The following ASB15 variants were observed in gnomAD, a reference collection of about 807,000 sequenced individuals.
ASB15 encodes ankyrin repeat and SOCS box protein 15.
ASB15 carries 54 observed loss-of-function variants against 58.0 expected under a neutral mutation model. The observed-to-expected ratio is 0.93, with a 90% confidence interval of 0.75 to 1.17. The LOEUF (loss-of-function observed/expected upper bound fraction) is 1.17, where lower values mean the gene tolerates loss of function less well. Ranked by LOEUF, ASB15 falls within the 50% of genes most tolerant of loss-of-function variation. ASB15 has a pLI of 0.00. For synonymous variants in ASB15, 249 were observed against 262.4 expected (o/e 0.95, Z 0.50); for missense variants, 680 against 707.4 (o/e 0.96, Z 0.44).
rs1344917905 is a variant in ASB15, at chr7:123,616,378, C to T, written c.175C>T (p.Leu59Phe). Residue 59 changes from leucine (L) to phenylalanine (F), a missense_variant, in exon 6 of 12, where the codon CTC (leucine) becomes TTC (phenylalanine). Physicochemically the swap from Leu to Phe is conservative, Grantham distance 22. Coordinates refer to ENST00000451215, the MANE Select transcript of ASB15 (RefSeq NM_001290258.2). ...GTTTAATTTAGGTCACATTCCTGAG[C>T]TCCAGGAGTATGTAAAATATAAATA... ...EAIKQGHIPELQEYVKYKYAM... is the reference protein window; with the variant it reads ...EAIKQGHIPEFQEYVKYKYAM... The T allele has an allele frequency of 1.9e-6, 3 of 1,609,652 alleles. No homozygotes were observed. The highest frequency in any genetic ancestry group is 4.5e-5 in the East Asian group (2 of 44,768).
intron 2 of ASB15, among the ~76,000 whole-genome samples, chr7:123,607,871 A>G (rs907276713): frequency 4.6e-5 from 7 of 152,190 alleles, no homozygotes; most frequent in Non-Finnish European, 1.0e-4. Context: ...GGGCACGTCT[A>G]CTAATAAGTT....
At chr7:123,583,196 G>C (rs1046018264) in intron 1 of ASB15, among the ~76,000 whole-genome samples, 2 of 151,896 alleles carry the variant, frequency 1.3e-5, no homozygotes. Context: ...TTCAAGATCA[G>C]CTGGGGCAAT....
intron 7 of ASB15, 37 bp from the exon 8 acceptor site, chr7:123,624,531 TA>T: frequency 6.3e-7 from 1 of 1,578,910 alleles, no homozygotes; most frequent in Non-Finnish European, 8.7e-7. Flanking sequence ...GTATTTGTGT[TA>T]ATATACTTAC....
chr7:123,621,319 G>A (rs746627187), intron 7 of ASB15: 2 of 152,318 alleles, frequency 1.3e-5, no homozygotes, highest in Middle Eastern at 3.4e-3. Context: ...TCTCCATGAA[G>A]TTAATATCCT....
upstream of ASB15, among the ~76,000 whole-genome samples, chr7:123,596,985 C>T (rs1381290382): frequency 1.3e-5 from 2 of 152,126 alleles, no homozygotes; most frequent in Admixed American, 6.6e-5. Context: ...TTTGCCTTAG[C>T]ACTACTGAGA....
In ASB15 at chr7:123,638,941, C is replaced by T. The variant is rs1438222728; in HGVS notation, c.*1960C>T. 1 of 152,174 alleles carries T rather than the reference C, an allele frequency of 6.6e-6. No individual in the cohort carries two copies. The highest frequency in any genetic ancestry group is 1.5e-5 in the Non-Finnish European group (1 of 68,044). 9.4% of individuals were successfully genotyped at this position (152,174 alleles called of 1,614,324 possible). On this transcript the variant is annotated 3_prime_UTR_variant, in exon 12 of 12. Transcript: ENST00000451215. ...TCCAGTGCTTTCTCAGGGCCAAACA[C>T]ATTCCCTAGAGCATGGAGTTCAATA...
At chr7:123,636,019 T>C (rs966012978) in intron 11 of ASB15, among the ~76,000 whole-genome samples, 1 of 152,144 alleles carries the variant, frequency 6.6e-6, no homozygotes, top group Admixed American at 6.6e-5. Context: ...ACATGATTTG[T>C]TTAATCTTCA....
chr7:123,595,088 C>A (rs1188907238), intron 1 of ASB15, among the ~76,000 whole-genome samples: 1 of 152,202 alleles, frequency 6.6e-6, no homozygotes, highest in Non-Finnish European at 1.5e-5. Context: ...AAGCAAGGCT[C>A]CGTGGACGTG....
At chr7:123,628,790 C>A in intron 9 of ASB15, 74 bp from the exon 10 acceptor site, 1 of 1,002,798 alleles carries the variant, frequency 1.0e-6, no homozygotes, top group East Asian at 2.6e-5. Context: ...ATTCACTTAT[C>A]TAGTGAGAAC....
At position 123,620,783 on chromosome 7, in the gene ASB15, C is replaced by T. The variant is rs912722891; in HGVS notation, c.451+3046C>T. 3.3e-5 allele frequency among the ~76,000 whole-genome samples: 5 copies of T among 150,644 alleles called. No homozygotes were observed. The East Asian group carries it at 5.9e-4, about 18-fold the overall frequency. On this transcript the variant is annotated intron_variant, in intron 7 of 11. Transcript: ENST00000451215. Reference sequence around the variant, plus strand: ...TTCACCATGTTAGCTAGGATGGTCTCGGTCTCCTGACCTCGTGATCCGCCC... The same window carrying T: ...TTCACCATGTTAGCTAGGATGGTCTTGGTCTCCTGACCTCGTGATCCGCCC...
upstream of ASB15, among the ~76,000 whole-genome samples, chr7:123,598,496 G>C (rs896625981): frequency 1.3e-5 from 2 of 151,656 alleles, no homozygotes; most frequent in Non-Finnish European, 2.9e-5. Flanking sequence ...TACTTTGTTC[G>C]CAAAAGGAAA....
intron 2 of ASB15, among the ~76,000 whole-genome samples, chr7:123,604,634 A>T (rs1034085062): frequency 6.6e-6 from 1 of 151,716 alleles, no homozygotes; most frequent in Non-Finnish European, 1.5e-5. Flanking sequence ...GAGATAGCAA[A>T]CTCCCTGACA....
chr7:123,615,322 A>G (rs1048382979), intron 4 of ASB15: 1 of 152,166 alleles, frequency 6.6e-6, no homozygotes, highest in African/African-American at 2.4e-5. Flanking sequence ...ACTTTTTGTT[A>G]TAGTGTTTAA....
At chr7:123,614,353 T>C (rs1159873348) in intron 3 of ASB15, 148 bp from the exon 4 acceptor site, 1 of 596,866 alleles carries the variant, frequency 1.7e-6, no homozygotes, top group East Asian at 2.8e-5. Flanking sequence ...GTAATGTGGA[T>C]TAAAATGTTA....
chr7:123,611,453 C>CCTGA (rs545992749), intron 3 of ASB15, among the ~76,000 whole-genome samples: 2,571 of 148,122 alleles, frequency 0.017, 75 homozygotes, highest in African/African-American at 0.06. Flanking sequence ...CGCCACCGTA[C>CCTGA]CTAATTTTTT....
Position 123,638,620 on chromosome 7 carries a change from A to G in ASB15, c.*1639A>G, listed in dbSNP as rs553868196. On this transcript the variant is annotated 3_prime_UTR_variant, in exon 12 of 12. Transcript: ENST00000451215. ...TGAGAATTTCACTGTGGGCCATCAA[A>G]TATCTGAGGACCTTTGTATGGGGAA... is the stretch of plus-strand genomic sequence containing the variant. 1 of 152,282 alleles carries G rather than the reference A, an allele frequency of 6.6e-6. No individual in the cohort carries two copies. The highest frequency in any genetic ancestry group is 1.9e-4 in the East Asian group (1 of 5,170). The allele number at this position is 152,282 out of a possible 1,614,324, so 9.4% of individuals were successfully genotyped here. A position where few individuals can be genotyped will look rare whatever the true frequency, so the allele number is the denominator to read the frequency against.
intron 3 of ASB15, among the ~76,000 whole-genome samples, chr7:123,611,851 G>C (rs1391299431): frequency 1.3e-5 from 2 of 152,016 alleles, no homozygotes; most frequent in African/African-American, 2.4e-5. Flanking sequence ...GAAAAGGCTG[G>C]AGACACCTGT....
chr7:123,580,783 G>A (rs1015346998), intron 1 of ASB15, among the ~76,000 whole-genome samples: 1 of 151,814 alleles, frequency 6.6e-6, no homozygotes, highest in Non-Finnish European at 1.5e-5. Flanking sequence ...CTGAGATAAG[G>A]GCTTAGAGAA....
At chr7:123,619,169 G>T (rs1014995689) in intron 7 of ASB15, among the ~76,000 whole-genome samples, 1 of 108,608 alleles carries the variant, frequency 9.2e-6, no homozygotes, top group African/African-American at 3.7e-5. Context: ...GACAGAGAGA[G>T]ACGCCGTCTC....
Sources: allele counts gnomAD v4.1 joint callset (sites outside exome capture counted in the v4.1 genomes callset), GRCh38; gene constraint gnomAD v4.1.1; transcripts MANE v1.5; gene names NCBI Gene and HGNC (gene_info 2026-07-23, HGNC 2026-07-21).